SEPTIN14: variants seen among roughly 807,000 people sequenced by gnomAD.
The protein encoded by SEPTIN14 is septin-14.
In SEPTIN14, 40 loss-of-function variants were observed where a neutral mutation model predicts 53.6. The ratio of observed to expected loss-of-function variants is 0.75; its 90% confidence interval spans 0.58 to 0.97. The LOEUF is 0.97. SEPTIN14 is among the 50% of genes least tolerant of loss of function. SEPTIN14 has a pLI of 0.00. For synonymous variants in SEPTIN14, 138 were observed against 166.8 expected, an observed-to-expected ratio of 0.83 and a Z score of 1.33; for missense variants, 471 against 508.2, an observed-to-expected ratio of 0.93 and a Z score of 0.70.
intron 5 of SEPTIN14, among the ~76,000 whole-genome samples, chr7:55,838,553 C>T (rs1282356133): frequency 8.3e-6 from 1 of 120,244 alleles, no homozygotes; most frequent in Non-Finnish European, 1.7e-5. Context: ...CCCTTCCTTC[C>T]TTTCTTTCTT....
intron 6 of SEPTIN14, among the ~76,000 whole-genome samples, chr7:55,826,026 C>T (rs904712683): frequency 1.4e-4 from 21 of 151,310 alleles, no homozygotes; most frequent in Admixed American, 2.6e-4. Flanking sequence ...GGCGTGAACC[C>T]GGGAGGCGGA....
At chr7:55,854,512 C>T (rs1308850863) in intron 2 of SEPTIN14, among the ~76,000 whole-genome samples, 1 of 151,926 alleles carries the variant, frequency 6.6e-6, no homozygotes. Context: ...TCACTGCAAG[C>T]TCCGCCTCCC....
intron 6 of SEPTIN14, among the ~76,000 whole-genome samples, chr7:55,829,236 G>C (rs1789048111): frequency 6.6e-6 from 1 of 151,764 alleles, no homozygotes; most frequent in South Asian, 2.1e-4. Flanking sequence ...AAAATCAGCT[G>C]TGCATGGTGG....
Position 55,819,034 on chromosome 7 carries a change from T to G in SEPTIN14, c.817+93A>C, listed in dbSNP as rs546479000. On this transcript the variant is annotated intron_variant, in intron 7 of 9. Coordinates refer to ENST00000388975, the MANE Select transcript of SEPTIN14 (RefSeq NM_207366.3). ...CTTACAGATTAGCAAGAGTTACCAA[T>G]ATTAGTTCAAGTTAAAATGTTATTT... The G allele has an allele frequency of 3.7e-5, 27 of 732,568 alleles. No individual in the cohort carries two copies. The East Asian group carries it at 6.2e-4, about 17-fold the overall frequency. 45.4% of individuals were successfully genotyped at this position (732,568 alleles called of 1,614,324 possible).
At chr7:55,817,830 T>A (rs1788821568) in intron 7 of SEPTIN14, among the ~76,000 whole-genome samples, 1 of 152,164 alleles carries the variant, frequency 6.6e-6, no homozygotes. Flanking sequence ...CAAAAATAAT[T>A]GAGATAACAC....
At chr7:55,820,814 C>A (rs1788880679) in intron 6 of SEPTIN14, among the ~76,000 whole-genome samples, 1 of 151,992 alleles carries the variant, frequency 6.6e-6, no homozygotes. Flanking sequence ...GTGGCAGGCA[C>A]ATGTAATCCC....
chr7:55,804,791 G>A (rs1788587213), intron 9 of SEPTIN14, among the ~76,000 whole-genome samples: 1 of 152,072 alleles, frequency 6.6e-6, no homozygotes, highest in African/African-American at 2.4e-5. Context: ...GATATTAATA[G>A]CTTTTTTCCC....
chr7:55,822,856 C>CAA (rs148179709), intron 6 of SEPTIN14, among the ~76,000 whole-genome samples: 17,020 of 104,170 alleles, frequency 0.16, 1,442 homozygotes, highest in Non-Finnish European at 0.25. Context: ...CAGGGGAAAG[C>CAA]AAAAAAAAAA....
At chr7:55,843,656 A>G (rs1242331254) in intron 4 of SEPTIN14, among the ~76,000 whole-genome samples, 1 of 152,184 alleles carries the variant, frequency 6.6e-6, no homozygotes, top group East Asian at 1.9e-4. Context: ...ACACGGTGAA[A>G]CCCTGTCTCT....
chr7:55,850,490 A>C (rs1458642896), intron 2 of SEPTIN14, among the ~76,000 whole-genome samples: 1 of 152,104 alleles, frequency 6.6e-6, no homozygotes, highest in Non-Finnish European at 1.5e-5. Flanking sequence ...CAAACGAACA[A>C]AAAACACCTG....
At chr7:55,803,364 G>T (rs1788554962) in intron 9 of SEPTIN14, among the ~76,000 whole-genome samples, 1 of 152,054 alleles carries the variant, frequency 6.6e-6, no homozygotes, top group East Asian at 1.9e-4. Context: ...ATATCTGTTA[G>T]AAAAACAGAA....
intron 2 of SEPTIN14, among the ~76,000 whole-genome samples, chr7:55,855,607 G>A (rs1201464469): frequency 6.6e-6 from 1 of 152,130 alleles, no homozygotes; most frequent in African/African-American, 2.4e-5. Flanking sequence ...CCAGGCTGGA[G>A]TGCAGTGGTG....
At chr7:55,838,684 C>T (rs536332102) in intron 5 of SEPTIN14, among the ~76,000 whole-genome samples, 1 of 151,880 alleles carries the variant, frequency 6.6e-6, no homozygotes, top group East Asian at 1.9e-4. Context: ...CTCAAGCAAT[C>T]CCACAGGTGC....
chr7:55,808,269 C>G (rs1343973138), intron 7 of SEPTIN14, among the ~76,000 whole-genome samples: 1 of 152,150 alleles, frequency 6.6e-6, no homozygotes, highest in African/African-American at 2.4e-5. Flanking sequence ...CAAAATAAGT[C>G]TTAACATATT....
At chr7:55,861,073 T>C (rs1789733864) in intron 2 of SEPTIN14, among the ~76,000 whole-genome samples, 2 of 152,366 alleles carry the variant, frequency 1.3e-5, no homozygotes, top group African/African-American at 4.8e-5. Context: ...CCTAAAATTT[T>C]ATGTTTTAGA....
chr7:55,805,564 T>C (rs1338947967), intron 8 of SEPTIN14, among the ~76,000 whole-genome samples, 174 bp from the exon 9 acceptor site: 1 of 152,114 alleles, frequency 6.6e-6, no homozygotes, highest in Non-Finnish European at 1.5e-5. Flanking sequence ...AACACACTAG[T>C]ATAAACATGT....
Position 55,846,648 on chromosome 7 carries a change from A to G in SEPTIN14, c.55-11T>C. ...ATTATTTTCTTTTTGCTTAAATAAA[A>G]CAAAAATTTAGAGTTTTGTGTTAGA... On this transcript the variant is annotated splice_polypyrimidine_tract_variant and intron_variant, in intron 2 of 9. Coordinates refer to ENST00000388975, the MANE Select transcript of SEPTIN14 (RefSeq NM_207366.3). The G allele has an allele frequency of 7.3e-7, 1 of 1,364,640 alleles. No individual in the cohort carries two copies. The highest frequency in any genetic ancestry group is 1.5e-5 in the African/African-American group (1 of 68,794). The allele number at this position is 1,364,640 out of a possible 1,614,324, so 84.5% of individuals were successfully genotyped here.
At chr7:55,842,282 G>T (rs972068014) in intron 5 of SEPTIN14, among the ~76,000 whole-genome samples, 2 of 152,042 alleles carry the variant, frequency 1.3e-5, no homozygotes, top group Admixed American at 6.6e-5. Context: ...CCTTCAAGAT[G>T]TCTTATTATC....
At chr7:55,810,047 T>G (rs1158548289) in intron 7 of SEPTIN14, among the ~76,000 whole-genome samples, 5 of 151,688 alleles carry the variant, frequency 3.3e-5, no homozygotes, top group Non-Finnish European at 5.9e-5. Context: ...TTAGCCAGGA[T>G]GGTCTCCATC....
Sources: allele counts gnomAD v4.1 joint callset (sites outside exome capture counted in the v4.1 genomes callset), GRCh38; gene constraint gnomAD v4.1.1; transcripts MANE v1.5; gene names NCBI Gene and HGNC (gene_info 2026-07-23, HGNC 2026-07-21).